The following CTNNA3 variants were observed in gnomAD, a reference collection of about 807,000 sequenced individuals.
CTNNA3 encodes the protein catenin alpha 3.
A neutral mutation model predicts 95.7 loss-of-function variants in CTNNA3; 76 were observed. The ratio of observed to expected loss-of-function variants is 0.79; its 90% CI spans 0.66 to 0.96. The LOEUF (loss-of-function observed/expected upper bound fraction) is 0.96. Among genes scored for constraint, CTNNA3 ranks in the 40% least tolerant of loss-of-function variants. CTNNA3 has a pLI of 0.00. For synonymous variants in CTNNA3, 431 were observed against 374.4 expected, an observed-to-expected ratio of 1.15 and a Z score of -1.74; for missense variants, 1,191 against 1,089.8, an observed-to-expected ratio of 1.09 and a Z score of -1.31.
At chr10:67,614,249 G>A (rs1843575558) in intron 2 of CTNNA3, among the ~76,000 whole-genome samples, 1 of 152,148 alleles carries the variant, frequency 6.6e-6, no homozygotes. Context: ...CCCTTCGTAA[G>A]ACAAAAAAGT....
At chr10:67,387,482 G>C (rs995108993) in intron 5 of CTNNA3, among the ~76,000 whole-genome samples, 1 of 152,210 alleles carries the variant, frequency 6.6e-6, no homozygotes, top group Non-Finnish European at 1.5e-5. Context: ...GAGGCTGGGG[G>C]AGGGGCGCCC....
chr10:66,229,136 G>C (rs1055006253), intron 13 of CTNNA3, among the ~76,000 whole-genome samples: 1 of 152,104 alleles, frequency 6.6e-6, no homozygotes, highest in African/African-American at 2.4e-5. Context: ...ATTTACCAAA[G>C]ATTTTATTGA....
chr10:66,110,800 TATGA>T (rs2082094169), intron 13 of CTNNA3, among the ~76,000 whole-genome samples: 1 of 152,206 alleles, frequency 6.6e-6, no homozygotes, highest in South Asian at 2.1e-4. Flanking sequence ...TGTGTCATTA[TATGA>T]ATTTGTCACT....
chr10:67,681,003 C>A (rs944691363), intron 1 of CTNNA3, among the ~76,000 whole-genome samples: 7 of 152,072 alleles, frequency 4.6e-5, no homozygotes, highest in African/African-American at 1.7e-4. Context: ...GTTTATGATA[C>A]CAATAAAAAT....
chr10:67,357,786 G>C (rs1271764730), intron 5 of CTNNA3, among the ~76,000 whole-genome samples: 1 of 151,932 alleles, frequency 6.6e-6, no homozygotes, highest in Non-Finnish European at 1.5e-5. Flanking sequence ...GTGAGGGTAT[G>C]AGCACCACCA....
intron 3 of CTNNA3, among the ~76,000 whole-genome samples, chr10:67,555,151 A>T (rs2133239111): frequency 6.6e-6 from 1 of 152,022 alleles, no homozygotes; most frequent in African/African-American, 2.4e-5. Context: ...TGTTTTGGTT[A>T]TGTAGTCTTG....
intron 7 of CTNNA3, among the ~76,000 whole-genome samples, chr10:66,815,477 G>A (rs1842040005): frequency 6.6e-6 from 1 of 152,096 alleles, no homozygotes; most frequent in Admixed American, 6.6e-5. Flanking sequence ...CTTGTCTGGT[G>A]GTTCTTGGGA....
intron 13 of CTNNA3, among the ~76,000 whole-genome samples, chr10:66,177,741 T>A (rs1468866248): frequency 6.6e-6 from 1 of 151,992 alleles, no homozygotes; most frequent in Non-Finnish European, 1.5e-5. Flanking sequence ...ATTCTGTGAT[T>A]TACCCAGAAT....
Position 66,781,407 on chromosome 10 carries a change from C to T in CTNNA3, c.1048-5883G>A, listed in dbSNP as rs182560004. Among the ~76,000 whole-genome samples, 66 of 152,148 alleles carry T rather than the reference C, an allele frequency of 4.3e-4. No individual in the cohort carries two copies. The East Asian group carries it at 0.012, about 28-fold the overall frequency. ...ACATAGCACAGGCACAGATTCTAGT[C>T]TACATTTTTCAGGCATGAAAGACAC... is the stretch of plus-strand genomic sequence containing the variant. On this transcript the variant is annotated intron_variant, in intron 7 of 17. Transcript: ENST00000433211.
At chr10:66,115,230 T>C (rs978672129) in intron 13 of CTNNA3, among the ~76,000 whole-genome samples, 2 of 152,158 alleles carry the variant, frequency 1.3e-5, no homozygotes. Context: ...AAAAAATCTT[T>C]CGATTGACAA....
intron 13 of CTNNA3, among the ~76,000 whole-genome samples, chr10:66,263,173 A>G (rs2091055482): frequency 6.6e-6 from 1 of 151,980 alleles, no homozygotes; most frequent in South Asian, 2.1e-4. Flanking sequence ...GGGGTAACAG[A>G]ACACAGCAGG....
chr10:67,593,546 T>C (rs1056054366), intron 3 of CTNNA3, among the ~76,000 whole-genome samples: 5 of 152,216 alleles, frequency 3.3e-5, no homozygotes, highest in African/African-American at 1.2e-4. Flanking sequence ...ATTCTTGATT[T>C]GGCTCTTTGC....
chr10:67,511,789 C>A (rs910912257), intron 5 of CTNNA3, among the ~76,000 whole-genome samples: 1 of 152,100 alleles, frequency 6.6e-6, no homozygotes, highest in African/African-American at 2.4e-5. Context: ...CCTCTTTGTA[C>A]CTCTGGTAGA....
At chr10:66,023,642 TG>T (rs1365922832) in intron 15 of CTNNA3, among the ~76,000 whole-genome samples, 2 of 152,202 alleles carry the variant, frequency 1.3e-5, no homozygotes, top group African/African-American at 4.8e-5. Context: ...AGTGATGAAA[TG>T]TTGCTTGAAT....
intron 11 of CTNNA3, among the ~76,000 whole-genome samples, chr10:66,396,949 A>G (rs1312947811): frequency 6.6e-6 from 1 of 151,882 alleles, no homozygotes; most frequent in African/African-American, 2.4e-5. Context: ...TTTCACTTAT[A>G]AAGTAATTAA....
At chr10:67,341,296 T>C (rs1281886269) in intron 5 of CTNNA3, among the ~76,000 whole-genome samples, 3 of 151,284 alleles carry the variant, frequency 2.0e-5, no homozygotes, top group South Asian at 4.2e-4. Flanking sequence ...TTCTTTCTAC[T>C]TTTTTTTTGT....
chr10:66,785,555 C>T (rs1482298950), intron 7 of CTNNA3, among the ~76,000 whole-genome samples: 1 of 152,098 alleles, frequency 6.6e-6, no homozygotes, highest in East Asian at 1.9e-4. Flanking sequence ...AGGACTTATG[C>T]CAGCACCCTC....
Position 67,240,791 on chromosome 10 carries a change from T to A in CTNNA3, c.580-20921A>T, listed in dbSNP as rs1220847143. ...AACCTATGAGGAAAACATTATCACT[T>A]AATTCTAATGCGGACTACTGTGTCA... On this transcript the variant is annotated intron_variant, in intron 5 of 17. Transcript: ENST00000433211. 3.3e-5 allele frequency among the ~76,000 whole-genome samples: 5 copies of A among 152,276 alleles called. No homozygotes were observed. In the South Asian group the frequency reaches 1.0e-3, roughly 32 times the overall value.
chr10:66,421,176 T>A (rs1032065132), intron 11 of CTNNA3, among the ~76,000 whole-genome samples: 1 of 151,462 alleles, frequency 6.6e-6, no homozygotes, highest in South Asian at 2.1e-4. Flanking sequence ...TATTGCATAT[T>A]CTCATTCATA....
Sources: gnomAD v4.1 joint callset for allele counts (sites outside exome capture counted in the v4.1 genomes callset) on GRCh38, gnomAD v4.1.1 for gene constraint, MANE v1.5 for transcripts, NCBI Gene and HGNC (gene_info 2026-07-23, HGNC 2026-07-21) for gene names.